The following PDGFC variants were observed in gnomAD, a reference collection of about 807,000 sequenced individuals.
PDGFC encodes platelet-derived growth factor C.
PDGFC carries 12 observed loss-of-function variants against 35.5 expected under a neutral mutation model. The ratio of observed to expected loss-of-function variants is 0.34; its 90% CI spans 0.22 to 0.55. The LOEUF is 0.55. PDGFC is among the 20% of genes least tolerant of loss of function. The probability of loss-of-function intolerance (pLI) is 0.91; values close to 1 mark genes in which losing one functional copy is unlikely to be tolerated. For missense variants in PDGFC, 322 were observed against 412.4 expected (o/e 0.78, Z 1.90); for synonymous variants, 159 against 148.8 (o/e 1.07, Z -0.50).
chr4:156,854,409 A>T (rs958297563), intron 1 of PDGFC, among the ~76,000 whole-genome samples: 3 of 152,250 alleles, frequency 2.0e-5, no homozygotes, highest in African/African-American at 7.2e-5. Flanking sequence ...TTCACTATTA[A>T]ATTGGACTAT....
At chr4:156,824,327 T>TATATAC (rs1491500876) in intron 2 of PDGFC, among the ~76,000 whole-genome samples, 230 of 102,464 alleles carry the variant, frequency 2.2e-3, no homozygotes, top group Non-Finnish European at 3.0e-3. Flanking sequence ...TATATATATA[T>TATATAC]ACACACACAC....
At chr4:156,840,743 G>T (rs1362016429) in intron 2 of PDGFC, among the ~76,000 whole-genome samples, 1 of 152,210 alleles carries the variant, frequency 6.6e-6, no homozygotes. Context: ...AGCCACAGGG[G>T]CAGAGCTGCC....
chr4:156,772,974 G>C, intron 3 of PDGFC, 81 bp from the exon 4 acceptor site: 1 of 901,114 alleles, frequency 1.1e-6, no homozygotes, highest in Non-Finnish European at 1.8e-6. Context: ...AAATTATAAA[G>C]ACTGAGGCTG....
intron 1 of PDGFC, among the ~76,000 whole-genome samples, chr4:156,954,990 T>A (rs912215509): frequency 6.6e-6 from 1 of 152,036 alleles, no homozygotes; most frequent in African/African-American, 2.4e-5. Flanking sequence ...TTGAAAATTA[T>A]GGGAGATTAA....
chr4:156,857,816 G>A (rs1052038158), intron 1 of PDGFC, among the ~76,000 whole-genome samples: 1 of 152,082 alleles, frequency 6.6e-6, no homozygotes, highest in African/African-American at 2.4e-5. Flanking sequence ...GTGAGATTTC[G>A]AACTCCTGCA....
At chr4:156,789,893 C>T (rs957173356) in intron 3 of PDGFC, among the ~76,000 whole-genome samples, 10 of 141,858 alleles carry the variant, frequency 7.0e-5, no homozygotes, top group Middle Eastern at 3.8e-3. Flanking sequence ...AGGAGAATGG[C>T]GTGAACCCGG....
intron 2 of PDGFC, among the ~76,000 whole-genome samples, chr4:156,825,209 G>A (rs1023603241): frequency 6.6e-6 from 1 of 151,992 alleles, no homozygotes; most frequent in Non-Finnish European, 1.5e-5. Context: ...AGGGTATCTA[G>A]GAATATAGAG....
intron 1 of PDGFC, among the ~76,000 whole-genome samples, chr4:156,852,212 T>C (rs529933175): frequency 6.6e-6 from 1 of 151,756 alleles, no homozygotes; most frequent in African/African-American, 2.4e-5. Context: ...TTTGGAGATA[T>C]GCTGCACAAC....
At chr4:156,942,673 T>G (rs1731837416) in intron 1 of PDGFC, among the ~76,000 whole-genome samples, 1 of 148,996 alleles carries the variant, frequency 6.7e-6, no homozygotes. Flanking sequence ...AAGGAATAGA[T>G]GTATATAATA....
chr4:156,895,311 T>A (rs947853659), intron 1 of PDGFC, among the ~76,000 whole-genome samples: 2 of 152,164 alleles, frequency 1.3e-5, no homozygotes, highest in Non-Finnish European at 2.9e-5. Flanking sequence ...TACTTTTATA[T>A]AAAAGTTGGG....
At chr4:156,961,540 A>G (rs1392720710) in intron 1 of PDGFC, among the ~76,000 whole-genome samples, 1 of 152,188 alleles carries the variant, frequency 6.6e-6, no homozygotes, top group Non-Finnish European at 1.5e-5. Context: ...TAGTACATCC[A>G]CCAAAAGAAT....
At chr4:156,791,367 G>A (rs139360320) in intron 3 of PDGFC, among the ~76,000 whole-genome samples, 34 of 152,200 alleles carry the variant, frequency 2.2e-4, no homozygotes, top group African/African-American at 6.3e-4. Flanking sequence ...CCAGCTTATC[G>A]TGTATTTATT....
intron 1 of PDGFC, among the ~76,000 whole-genome samples, chr4:156,943,133 C>A (rs1411748883): frequency 2.0e-5 from 3 of 151,972 alleles, no homozygotes; most frequent in African/African-American, 7.2e-5. Context: ...TAACCCCTAC[C>A]AATGAGTAAC....
intron 3 of PDGFC, among the ~76,000 whole-genome samples, chr4:156,780,211 TTTG>T (rs1730941523): frequency 1.3e-5 from 2 of 151,726 alleles, no homozygotes. Context: ...GTGGCAAGTG[TTTG>T]ACAACAAAGT....
chr4:156,780,475 C>T (rs1041378945), intron 3 of PDGFC, among the ~76,000 whole-genome samples: 5 of 152,226 alleles, frequency 3.3e-5, no homozygotes, highest in Middle Eastern at 3.4e-3. Context: ...CACTCAACCA[C>T]CATTAAGGGA....
At chr4:156,857,124 G>C (rs1040335181) in intron 1 of PDGFC, among the ~76,000 whole-genome samples, 1 of 151,104 alleles carries the variant, frequency 6.6e-6, no homozygotes, top group African/African-American at 2.4e-5. Context: ...TTGATTTAAA[G>C]TTCAAATGAA....
intron 2 of PDGFC, among the ~76,000 whole-genome samples, chr4:156,837,232 G>C (rs1729084417): frequency 6.6e-6 from 1 of 152,112 alleles, no homozygotes; most frequent in East Asian, 1.9e-4. Context: ...TAGTGTTCTA[G>C]GCTAGGCGTG....
chr4:156,858,003 C>T (rs574710966), intron 1 of PDGFC, among the ~76,000 whole-genome samples: 9 of 152,066 alleles, frequency 5.9e-5, no homozygotes, highest in African/African-American at 1.9e-4. Flanking sequence ...TATTATTAAG[C>T]CAATAAGAGT....
At chr4:156,849,175 G>A in intron 2 of PDGFC, among the ~76,000 whole-genome samples, 1 of 151,920 alleles carries the variant, frequency 6.6e-6, no homozygotes, top group Non-Finnish European at 1.5e-5. Context: ...GAGATCTAGG[G>A]CATCTGCTTT....
Sources: allele counts gnomAD v4.1 joint callset (sites outside exome capture counted in the v4.1 genomes callset), GRCh38; gene constraint gnomAD v4.1.1; transcripts MANE v1.5; gene names NCBI Gene and HGNC (gene_info 2026-07-23, HGNC 2026-07-21).